CSMD1: variants seen among roughly 807,000 people sequenced by gnomAD.
The protein encoded by CSMD1 is CUB and Sushi multiple domains 1, also known as CUB and sushi domain-containing protein 1.
In CSMD1, 213 loss-of-function variants were observed where a neutral mutation model predicts 417.5. The observed-to-expected ratio is 0.51, with a 90% confidence interval of 0.46 to 0.57. The LOEUF (loss-of-function observed/expected upper bound fraction) is 0.57, where lower values mean the gene tolerates loss of function less well. Ranked by LOEUF, CSMD1 falls within the 20% of genes least tolerant of loss-of-function variation. CSMD1 has a pLI of 0.00. For synonymous variants in CSMD1, 2,862 were observed against 1,736.8 expected, an observed-to-expected ratio of 1.65 and a Z score of -16.11; for missense variants, 6,923 against 4,529.7, an observed-to-expected ratio of 1.53 and a Z score of -15.17.
intron 3 of CSMD1, among the ~76,000 whole-genome samples, chr8:4,235,614 T>G (rs1347285098): frequency 6.6e-6 from 1 of 152,218 alleles, no homozygotes; most frequent in Non-Finnish European, 1.5e-5. Flanking sequence ...CTCATGACAC[T>G]GGCCTGCTCA....
At chr8:4,524,190 G>A (rs951035768) in intron 2 of CSMD1, among the ~76,000 whole-genome samples, 1 of 151,666 alleles carries the variant, frequency 6.6e-6, no homozygotes, top group Non-Finnish European at 1.5e-5. Flanking sequence ...GGGAAGCTAG[G>A]GGGAAATTAA....
chr8:4,413,384 T>C (rs911364758), intron 3 of CSMD1, among the ~76,000 whole-genome samples: 5 of 152,266 alleles, frequency 3.3e-5, no homozygotes, highest in African/African-American at 4.8e-5. Context: ...AAGTCACAGG[T>C]AGCACATAAG....
At chr8:4,360,453 C>T (rs1801687148) in intron 3 of CSMD1, among the ~76,000 whole-genome samples, 1 of 152,084 alleles carries the variant, frequency 6.6e-6, no homozygotes, top group African/African-American at 2.4e-5. Flanking sequence ...TAGAAGAGCC[C>T]GTTATCATAA....
chr8:3,509,083 C>G (rs1196758681), intron 10 of CSMD1, among the ~76,000 whole-genome samples: 1 of 152,130 alleles, frequency 6.6e-6, no homozygotes, highest in Non-Finnish European at 1.5e-5. Flanking sequence ...TCCTCTTTAC[C>G]TGGGGACAAA....
intron 5 of CSMD1, among the ~76,000 whole-genome samples, chr8:3,901,056 G>T (rs1023892946): frequency 6.6e-6 from 1 of 152,078 alleles, no homozygotes; most frequent in Non-Finnish European, 1.5e-5. Flanking sequence ...TTTTAATAAC[G>T]ATTTTGTAGT....
intron 41 of CSMD1, among the ~76,000 whole-genome samples, chr8:3,121,094 A>C (rs1048720542): frequency 1.1e-4 from 16 of 147,420 alleles, no homozygotes; most frequent in South Asian, 2.1e-4. Flanking sequence ...ACAACAACAA[A>C]AAAAAAATAG....
At chr8:3,887,023 G>C (rs1433554028) in intron 5 of CSMD1, among the ~76,000 whole-genome samples, 1 of 152,104 alleles carries the variant, frequency 6.6e-6, no homozygotes, top group African/African-American at 2.4e-5. Flanking sequence ...GGACTTCAGT[G>C]ACCTTTCAAA....
chr8:3,089,414 A>G (rs1301338490), intron 48 of CSMD1, among the ~76,000 whole-genome samples: 2 of 152,202 alleles, frequency 1.3e-5, no homozygotes, highest in African/African-American at 4.8e-5. Flanking sequence ...ATTGTCCAGA[A>G]CCACTGTTCG....
chr8:3,646,199 TATC>T (rs1437647351), intron 7 of CSMD1, among the ~76,000 whole-genome samples: 3 of 152,128 alleles, frequency 2.0e-5, no homozygotes, highest in Non-Finnish European at 4.4e-5. Context: ...TACATTATTT[TATC>T]ATATTTGAAT....
At chr8:4,705,024 T>C (rs1483806248) in intron 1 of CSMD1, among the ~76,000 whole-genome samples, 3 of 152,178 alleles carry the variant, frequency 2.0e-5, no homozygotes, top group African/African-American at 7.2e-5. Flanking sequence ...TGGATCATGG[T>C]AGTTATTTTT....
At chr8:3,624,213 C>T (rs1796388826) in intron 7 of CSMD1, among the ~76,000 whole-genome samples, 1 of 152,134 alleles carries the variant, frequency 6.6e-6, no homozygotes, top group Admixed American at 6.5e-5. Flanking sequence ...CAAACATACA[C>T]ATGGGAAGCC....
intron 15 of CSMD1, among the ~76,000 whole-genome samples, chr8:3,402,907 A>G (rs951500241): frequency 1.4e-4 from 21 of 151,868 alleles, no homozygotes; most frequent in African/African-American, 4.9e-4. Context: ...GAGGACTTAA[A>G]GATAGACATT....
chr8:2,946,001 A>G (rs2128916004), intron 68 of CSMD1, among the ~76,000 whole-genome samples: 1 of 152,222 alleles, frequency 6.6e-6, no homozygotes, highest in Middle Eastern at 3.4e-3. Flanking sequence ...TCGTGAGGCA[A>G]TTTTGCGGCT....
At chr8:4,389,941 A>G (rs1036016372) in intron 3 of CSMD1, among the ~76,000 whole-genome samples, 1 of 152,182 alleles carries the variant, frequency 6.6e-6, no homozygotes, top group Non-Finnish European at 1.5e-5. Flanking sequence ...AGCTCTGTGT[A>G]TGTCCTATGA....
chr8:3,284,487 G>A, intron 25 of CSMD1, 141 bp from the exon 26 acceptor site: 2 of 654,386 alleles, frequency 3.1e-6, no homozygotes, highest in South Asian at 1.8e-5. Flanking sequence ...GACAATGAAG[G>A]ATGAGGAAAA....
intron 10 of CSMD1, among the ~76,000 whole-genome samples, chr8:3,523,471 A>G (rs540971341): frequency 4.8e-4 from 73 of 152,288 alleles, no homozygotes; most frequent in Non-Finnish European, 9.0e-4. Context: ...CTAAAGTCCA[A>G]TTCGCCCACC....
chr8:3,895,139 A>G (rs888514648), intron 5 of CSMD1, among the ~76,000 whole-genome samples: 4 of 152,186 alleles, frequency 2.6e-5, no homozygotes, highest in Non-Finnish European at 4.4e-5. Context: ...TCACCTAGAC[A>G]TTGGCTTTAT....
At chr8:4,106,751 C>T (rs1801588280) in intron 3 of CSMD1, among the ~76,000 whole-genome samples, 1 of 152,232 alleles carries the variant, frequency 6.6e-6, no homozygotes, top group East Asian at 1.9e-4. Context: ...ACAACAGACC[C>T]CGCACAGCTA....
intron 2 of CSMD1, among the ~76,000 whole-genome samples, chr8:4,572,699 T>G (rs977893930): frequency 1.3e-5 from 2 of 152,204 alleles, no homozygotes; most frequent in Non-Finnish European, 2.9e-5. Context: ...CTGGATAATA[T>G]CCTGAAGAGT....
Sources: allele counts gnomAD v4.1 joint callset (sites outside exome capture counted in the v4.1 genomes callset), GRCh38; gene constraint gnomAD v4.1.1; transcripts MANE v1.5; gene names NCBI Gene and HGNC (gene_info 2026-07-23, HGNC 2026-07-21).